Variants in UMAD1 observed in about 807,000 individuals in gnomAD.
UMAD1 encodes UBAP1-MVB12-associated (UMA) domain containing 1, also known as UBAP1-MVB12-associated (UMA)-domain containing protein 1.
UMAD1 carries 8 observed loss-of-function variants against 6.1 expected under a neutral mutation model. The ratio of observed to expected loss-of-function variants is 1.30; its 90% CI spans 0.76 to 2.35. UMAD1 has a LOEUF of 2.35. Among genes scored for constraint, UMAD1 ranks in the 30% most tolerant of loss-of-function variants. The pLI, the probability that UMAD1 is intolerant of heterozygous loss-of-function variation, is 0.00. For missense variants in UMAD1, 130 were observed against 78.4 expected, an observed-to-expected ratio of 1.66 and a Z score of -2.49; for synonymous variants, 56 against 31.4, an observed-to-expected ratio of 1.78 and a Z score of -2.61.
intron 2 of UMAD1, among the ~76,000 whole-genome samples, chr7:7,737,367 G>T (rs775370915): frequency 2.0e-5 from 3 of 152,208 alleles, no homozygotes; most frequent in Admixed American, 6.5e-5. Flanking sequence ...CCCAGTGGGT[G>T]CTCAGTCAAT....
chr7:7,691,325 T>C (rs1780167205), intron 2 of UMAD1, among the ~76,000 whole-genome samples: 1 of 152,230 alleles, frequency 6.6e-6, no homozygotes, highest in African/African-American at 2.4e-5. Flanking sequence ...AACTGTTCTT[T>C]AGATATTTGT....
intron 1 of UMAD1, among the ~76,000 whole-genome samples, chr7:7,650,469 T>A (rs1385341496): frequency 6.6e-6 from 1 of 152,366 alleles, no homozygotes; most frequent in East Asian, 1.9e-4. Context: ...TGCTTTGTTT[T>A]AAATTGTGAT....
chr7:7,660,587 C>G (rs1003869068), intron 1 of UMAD1, among the ~76,000 whole-genome samples: 1 of 152,296 alleles, frequency 6.6e-6, no homozygotes, highest in Admixed American at 6.5e-5. Context: ...ATATGAAATT[C>G]TGTGTTGAAA....
intron 3 of UMAD1, among the ~76,000 whole-genome samples, chr7:7,812,636 GAT>G (rs137927197): frequency 0.038 from 5,725 of 152,124 alleles, 164 homozygotes; most frequent in African/African-American, 0.077. Flanking sequence ...CTTCAATTGA[GAT>G]ATTATTATTT....
chr7:7,645,318 C>T (rs1785068978), intron 1 of UMAD1, among the ~76,000 whole-genome samples: 1 of 152,164 alleles, frequency 6.6e-6, no homozygotes, highest in African/African-American at 2.4e-5. Flanking sequence ...ATCTTTAATG[C>T]ACAAACGCTT....
intron 3 of UMAD1, among the ~76,000 whole-genome samples, chr7:7,820,066 C>G (rs1447247525): frequency 6.6e-6 from 1 of 152,184 alleles, no homozygotes; most frequent in Non-Finnish European, 1.5e-5. Context: ...AGTTGTCACT[C>G]AGGCAAATTT....
chr7:7,850,740 C>G (rs1005078831), intron 3 of UMAD1, among the ~76,000 whole-genome samples: 1 of 151,782 alleles, frequency 6.6e-6, no homozygotes, highest in African/African-American at 2.4e-5. Flanking sequence ...TGATATTTTT[C>G]AATTAATTCA....
At chr7:7,852,819 T>C (rs1012117798) in intron 3 of UMAD1, among the ~76,000 whole-genome samples, 1 of 152,162 alleles carries the variant, frequency 6.6e-6, no homozygotes, top group Non-Finnish European at 1.5e-5. Context: ...TTGACAACTA[T>C]GTAGAAATGT....
chr7:7,674,098 T>C (rs909919093), intron 2 of UMAD1, among the ~76,000 whole-genome samples: 1 of 152,220 alleles, frequency 6.6e-6, no homozygotes, highest in Non-Finnish European at 1.5e-5. Flanking sequence ...AGAAATTCTC[T>C]TTCCAAAGTA....
intron 3 of UMAD1, among the ~76,000 whole-genome samples, chr7:7,841,512 C>T (rs1002768214): frequency 2.0e-5 from 3 of 152,050 alleles, no homozygotes; most frequent in Non-Finnish European, 4.4e-5. Context: ...TTATGTTGCT[C>T]AGGCAGGTCT....
At chr7:7,698,491 T>A (rs924771340) in intron 2 of UMAD1, among the ~76,000 whole-genome samples, 1 of 152,244 alleles carries the variant, frequency 6.6e-6, no homozygotes, top group Non-Finnish European at 1.5e-5. Context: ...TCCACCTGAT[T>A]TAACAAAATG....
At chr7:7,834,899 A>G (rs1170370754) in intron 3 of UMAD1, among the ~76,000 whole-genome samples, 1 of 152,202 alleles carries the variant, frequency 6.6e-6, no homozygotes, top group Non-Finnish European at 1.5e-5. Flanking sequence ...ATCAGGGCAG[A>G]AGGCGAAGGG....
intron 3 of UMAD1, among the ~76,000 whole-genome samples, chr7:7,823,272 C>T (rs1783276562): frequency 6.6e-6 from 1 of 152,092 alleles, no homozygotes; most frequent in African/African-American, 2.4e-5. Flanking sequence ...CAACTTTTTT[C>T]CCTTAACTAT....
At chr7:7,838,523 A>G (rs1408643135) in intron 3 of UMAD1, among the ~76,000 whole-genome samples, 1 of 152,208 alleles carries the variant, frequency 6.6e-6, no homozygotes, top group East Asian at 1.9e-4. Flanking sequence ...TACAATTAGT[A>G]AAACCACTTT....
intron 3 of UMAD1, among the ~76,000 whole-genome samples, chr7:7,829,102 C>CT (rs1428351687): frequency 1.3e-5 from 2 of 152,050 alleles, no homozygotes; most frequent in East Asian, 3.9e-4. Flanking sequence ...TGTCAATGTT[C>CT]TTTTTCTAGC....
intron 3 of UMAD1, among the ~76,000 whole-genome samples, chr7:7,861,337 A>T (rs530072999): frequency 6.6e-6 from 1 of 152,352 alleles, no homozygotes; most frequent in Admixed American, 6.5e-5. Flanking sequence ...GAAGGGACTC[A>T]GCCTCCTGCC....
chr7:7,661,989 T>C (rs147900730), intron 1 of UMAD1, among the ~76,000 whole-genome samples: 2,750 of 152,262 alleles, frequency 0.018, 81 homozygotes, highest in African/African-American at 0.061. Context: ...GCTGCCTTTC[T>C]TTCAGAGATG....
At chr7:7,691,340 G>A (rs1188932168) in intron 2 of UMAD1, among the ~76,000 whole-genome samples, 5 of 151,984 alleles carry the variant, frequency 3.3e-5, no homozygotes, top group Non-Finnish European at 5.9e-5. Flanking sequence ...ATTTGTAGTC[G>A]TCATCATTAT....
intron 2 of UMAD1, among the ~76,000 whole-genome samples, chr7:7,751,091 G>A (rs1182488076): frequency 6.6e-6 from 1 of 152,082 alleles, no homozygotes; most frequent in Admixed American, 6.6e-5. Context: ...TTCTCTTTGT[G>A]TATATAGCTG....
Sources: gnomAD v4.1 joint callset for allele counts (sites outside exome capture counted in the v4.1 genomes callset) on GRCh38, gnomAD v4.1.1 for gene constraint, MANE v1.5 for transcripts, NCBI Gene and HGNC (gene_info 2026-07-23, HGNC 2026-07-21) for gene names.